TRERF1: variants seen among roughly 807,000 people sequenced by gnomAD.
TRERF1 encodes the protein transcriptional regulating factor 1, also known as transcriptional-regulating factor 1.
Under a neutral mutation model 122.9 loss-of-function variants are expected in TRERF1, and 27 were observed. That is an observed-to-expected ratio of 0.22 (90% confidence interval 0.16 to 0.30). TRERF1 has a LOEUF of 0.30. Ranked by LOEUF, TRERF1 falls within the 10% of genes least tolerant of loss-of-function variation. The pLI, the probability that TRERF1 is intolerant of heterozygous loss-of-function variation, is 1.00. For synonymous variants in TRERF1, 636 were observed against 641.7 expected (o/e 0.99, Z 0.13); for missense variants, 1,248 against 1,560.3 (o/e 0.80, Z 3.37).
At chr6:42,375,778 G>C (rs1302360163) in intron 2 of TRERF1, among the ~76,000 whole-genome samples, 2 of 152,062 alleles carry the variant, frequency 1.3e-5, no homozygotes, top group Non-Finnish European at 2.9e-5. Flanking sequence ...GGGAAGGAGA[G>C]GGAAGGTGCA....
At chr6:42,291,735 C>T (rs1397371511) in intron 4 of TRERF1, among the ~76,000 whole-genome samples, 8 of 151,314 alleles carry the variant, frequency 5.3e-5, no homozygotes, top group South Asian at 4.2e-4. Flanking sequence ...TTAGTAGAGA[C>T]GGGGTTTCAC....
downstream of TRERF1, chr6:42,225,103 A>G (rs954895554): frequency 6.6e-6 from 1 of 151,666 alleles, no homozygotes; most frequent in Non-Finnish European, 1.5e-5. Flanking sequence ...GTTAAATAAA[A>G]TTTCCCTGGT....
At chr6:42,407,392 C>T (rs1207480453) in intron 2 of TRERF1, among the ~76,000 whole-genome samples, 1 of 152,144 alleles carries the variant, frequency 6.6e-6, no homozygotes, top group African/African-American at 2.4e-5. Flanking sequence ...TCACGCTAGT[C>T]CTGGATCTGC....
chr6:42,387,408 C>T (rs145062544), intron 2 of TRERF1, among the ~76,000 whole-genome samples: 1 of 152,186 alleles, frequency 6.6e-6, no homozygotes, highest in Non-Finnish European at 1.5e-5. Flanking sequence ...TTCTGTAGCC[C>T]CTCCAACATA....
chr6:42,423,593 T>C (rs4714608), intron 2 of TRERF1, among the ~76,000 whole-genome samples: 1,961 of 152,300 alleles, frequency 0.013, 33 homozygotes, highest in East Asian at 0.089. Flanking sequence ...GCAGCCACAG[T>C]TTCCCATATC....
intron 1 of TRERF1, among the ~76,000 whole-genome samples, chr6:42,451,722 A>G (rs933972181): frequency 6.6e-6 from 1 of 151,128 alleles, no homozygotes; most frequent in African/African-American, 2.4e-5. Flanking sequence ...TTACTCCCAG[A>G]TATAGCGCCC....
intron 2 of TRERF1, among the ~76,000 whole-genome samples, chr6:42,391,650 T>A (rs1777759444): frequency 6.6e-6 from 1 of 152,016 alleles, no homozygotes; most frequent in Non-Finnish European, 1.5e-5. Context: ...GGGCCTCGGA[T>A]CCTAAGAGCC....
intron 16 of TRERF1, among the ~76,000 whole-genome samples, chr6:42,234,756 TA>T (rs1410079624): frequency 6.6e-6 from 1 of 152,250 alleles, no homozygotes; most frequent in African/African-American, 2.4e-5. Context: ...CTGTGATTTT[TA>T]AAAGTCATTA....
chr6:42,429,877 GC>G (rs1274627360), intron 2 of TRERF1, among the ~76,000 whole-genome samples: 1 of 152,164 alleles, frequency 6.6e-6, no homozygotes, highest in Admixed American at 6.5e-5. Flanking sequence ...GGTCATTCGG[GC>G]GAAGGTGTGG....
At chr6:42,261,683 A>C (rs1777906981) in intron 8 of TRERF1, among the ~76,000 whole-genome samples, 1 of 152,108 alleles carries the variant, frequency 6.6e-6, no homozygotes, top group Non-Finnish European at 1.5e-5. Context: ...TCCTTCCTGG[A>C]TGTTTTAATT....
At chr6:42,392,757 A>G (rs901300533) in intron 2 of TRERF1, among the ~76,000 whole-genome samples, 2 of 152,188 alleles carry the variant, frequency 1.3e-5, no homozygotes, top group African/African-American at 4.8e-5. Flanking sequence ...CCTGCCCTCA[A>G]GAGCTTACAG....
Position 42,232,743 on chromosome 6 carries a change from A to C in TRERF1, c.3216T>G (p.Ser1072=). The stretch of plus-strand genomic sequence containing the variant: ...CTGTCTCGCCGCTGGTGGTGCTGTG[A>C]GAGGGTGAGCTCTTTACCGAACAGT... Residue 1072 remains serine (S), a synonymous_variant, in exon 17 of 18, where the codon TCT becomes TCG. Transcript: ENST00000372922. The surrounding 1 kb of genome is among the most constrained non-coding windows in gnomAD (Gnocchi z 4.5). The C allele has an allele frequency of 6.2e-7, 1 of 1,610,404 alleles. No homozygotes were observed. Among genetic ancestry groups the C allele is most frequent in the African/African-American group, 1.3e-5 (1 of 74,988 alleles).
chr6:42,420,333 G>A (rs576818588), intron 2 of TRERF1, among the ~76,000 whole-genome samples: 2 of 152,306 alleles, frequency 1.3e-5, no homozygotes, highest in African/African-American at 4.8e-5. Context: ...TCTCTGCAGG[G>A]AGGATGGGCT....
intron 1 of TRERF1, among the ~76,000 whole-genome samples, chr6:42,451,767 G>A (rs1317572741): frequency 6.6e-6 from 1 of 151,500 alleles, no homozygotes; most frequent in Non-Finnish European, 1.5e-5. Context: ...TCCCCTTCCT[G>A]CCCTCCGCCG....
At chr6:42,324,101 G>T (rs1763899525) in intron 3 of TRERF1, among the ~76,000 whole-genome samples, 1 of 152,156 alleles carries the variant, frequency 6.6e-6, no homozygotes, top group African/African-American at 2.4e-5. Context: ...CTAGCACAGG[G>T]TCTGTTCCAT....
rs564099168 is a variant in TRERF1 at position 42,352,549 on chromosome 6, A to G, written c.-371+10448T>C. ...AAATCTTAAAATAGTGAATATGGTT[A>G]CAAACATTAAAATGTAGAAAATTAC... is the stretch of plus-strand genomic sequence containing the variant. On this transcript the variant is annotated intron_variant, in intron 3 of 17. Coordinates refer to ENST00000372922, the Ensembl canonical transcript of TRERF1. 1.3e-3 allele frequency among the ~76,000 whole-genome samples: 200 copies of G among 152,358 alleles called. 1 individual carries two copies. Among genetic ancestry groups the G allele is most frequent in the Non-Finnish European group, 2.5e-3 (169 of 68,034 alleles).
intron 4 of TRERF1, among the ~76,000 whole-genome samples, chr6:42,298,186 G>T (rs1168036277): frequency 6.6e-6 from 1 of 151,264 alleles, no homozygotes; most frequent in Non-Finnish European, 1.5e-5. Context: ...GACAAAGTCT[G>T]GCTCTGTCAC....
intron 7 of TRERF1, 43 bp downstream of exon 7, chr6:42,264,661 C>T (rs1260055051): frequency 6.3e-7 from 1 of 1,596,768 alleles, no homozygotes. Flanking sequence ...GCAAAGCAAG[C>T]AGCACACGAC....
chr6:42,369,429 G>A (rs1025235139), intron 2 of TRERF1, among the ~76,000 whole-genome samples: 1 of 152,152 alleles, frequency 6.6e-6, no homozygotes, highest in African/African-American at 2.4e-5. Flanking sequence ...GGGCAACAGA[G>A]CGAGACTCCA....
Sources: gnomAD v4.1 joint callset for allele counts (sites outside exome capture counted in the v4.1 genomes callset) on GRCh38, gnomAD v4.1.1 for gene constraint, Gnocchi (gnomAD v3.1) non-coding constraint, MANE v1.5 for transcripts, NCBI Gene and HGNC (gene_info 2026-07-23, HGNC 2026-07-21) for gene names.